DNAH12: variants seen among roughly 807,000 people sequenced by gnomAD.
The protein encoded by DNAH12 is dynein axonemal heavy chain 12.
In DNAH12, 285 loss-of-function variants were observed where a neutral mutation model predicts 371.5. The observed-to-expected ratio is 0.77, with a 90% CI of 0.70 to 0.85. DNAH12 has a LOEUF of 0.85. DNAH12 is among the 40% of genes least tolerant of loss of function. The pLI is 0.00. For synonymous variants in DNAH12, 1,200 were observed against 1,213.0 expected (o/e 0.99, Z 0.22); for missense variants, 3,611 against 3,689.4 (o/e 0.98, Z 0.55).
intron 69 of DNAH12, 89 bp downstream of exon 69, chr3:57,309,062 G>A (rs571098929): frequency 2.3e-5 from 24 of 1,045,114 alleles, no homozygotes; most frequent in African/African-American, 1.5e-4. Flanking sequence ...CAAAATTTTC[G>A]CCGCCCCAAC....
At chr3:57,411,546 AAAAAAAAAAG>A (rs1248553639) in intron 39 of DNAH12, among the ~76,000 whole-genome samples, 37 of 94,214 alleles carry the variant, frequency 3.9e-4, no homozygotes, top group African/African-American at 9.2e-4. Context: ...AAAAAAAAAA[AAAAAAAAAAG>A]AAAGAAAGAA....
At chr3:57,488,279 A>C (rs1645768156) in intron 12 of DNAH12, among the ~76,000 whole-genome samples, 2 of 152,020 alleles carry the variant, frequency 1.3e-5, no homozygotes, top group East Asian at 1.9e-4. Flanking sequence ...TGCAACCTCC[A>C]CTTCCCGGGT....
chr3:57,333,329 CTTTTT>C (rs34135477), intron 62 of DNAH12, among the ~76,000 whole-genome samples: 6 of 111,114 alleles, frequency 5.4e-5, no homozygotes, highest in Admixed American at 1.8e-4. Context: ...TTTAAGGCAA[CTTTTT>C]TTTTTTTTTT....
Position 57,334,927 on chromosome 3 carries a change from T to C in DNAH12, c.9688A>G (p.Ile3230Val). Reference protein sequence around the residue: ...CANLLLARKEIEYQELMFLLT... With the variant: ...CANLLLARKEVEYQELMFLLT... ...AGAAACATCAGTTCCTGGTATTCAA[T>C]CTCTTTCCTTGCCCTGTATTCCCAA... The change falls in exon 61 of 74, where the codon ATT (isoleucine) becomes GTT (valine). Residue 3230 changes from isoleucine (I) to valine (V), a missense_variant. Physicochemically the swap from Ile to Val is conservative, Grantham distance 29 (BLOSUM62 3). This residue lies in a region of DNAH12 where 2,266 missense variants were observed against 2,236.9 expected (regional missense o/e 1.01). Transcript: ENST00000495027. 1.9e-6 allele frequency: 3 copies of C among 1,548,364 alleles called. No homozygotes were observed. The highest frequency in any genetic ancestry group is 2.6e-6 in the Non-Finnish European group (3 of 1,146,240).
chr3:57,414,159 G>A (rs62252860), intron 38 of DNAH12, among the ~76,000 whole-genome samples: 175 of 151,598 alleles, frequency 1.2e-3, no homozygotes, highest in African/African-American at 3.8e-3. Context: ...TTATGTGTGT[G>A]TTTTTATTTA....
At chr3:57,351,323 G>A (rs954945119) in intron 60 of DNAH12, among the ~76,000 whole-genome samples, 1 of 152,100 alleles carries the variant, frequency 6.6e-6, no homozygotes, top group Non-Finnish European at 1.5e-5. Context: ...CGTTGGTGGG[G>A]ATCTGGTGCA....
chr3:57,499,272 T>C (rs898508302), intron 11 of DNAH12, among the ~76,000 whole-genome samples: 25 of 152,120 alleles, frequency 1.6e-4, no homozygotes, highest in Admixed American at 1.3e-4. Flanking sequence ...AGAAATGTTC[T>C]ACATCTTAAT....
At chr3:57,449,470 GCAGGTCCCGAGC>G (rs1460895286) in intron 25 of DNAH12, among the ~76,000 whole-genome samples, 3 of 152,240 alleles carry the variant, frequency 2.0e-5, no homozygotes, top group Admixed American at 6.5e-5. Context: ...ATGGCGGGCT[GCAGGTCCCGAGC>G]CATGCCCGGC....
intron 59 of DNAH12, among the ~76,000 whole-genome samples, chr3:57,356,378 G>A (rs1250234778): frequency 6.6e-6 from 1 of 151,870 alleles, no homozygotes; most frequent in East Asian, 1.9e-4. Flanking sequence ...GGGAGGTTGA[G>A]GCTGCAGTGA....
chr3:57,433,799 G>A lies in DNAH12; in HGVS notation c.4685C>T (p.Ala1562Val). 6.5e-7 allele frequency: 1 copy of A among 1,546,858 alleles called. No homozygotes were observed. The highest frequency in any genetic ancestry group is 2.0e-5 in the Admixed American group (1 of 49,990). The change falls in exon 31 of 74, where the codon GCT becomes GTT. Residue 1562 changes from alanine (A) to valine (V), a missense_variant. By Grantham distance (64) the Ala-to-Val change is moderately conservative. Coordinates refer to ENST00000495027, the MANE Select transcript of DNAH12 (RefSeq NM_001366028.2). ...CAGCACATGCAGAACTTTTGTCTTA[G>A]CAGCAAAAGGCTCTCCTACTAACAT... ...GFMLVGEPFA[A>V]KTKVLHVLAD...
intron 25 of DNAH12, 61 bp from the exon 26 acceptor site, chr3:57,446,750 CT>C: frequency 2.9e-6 from 4 of 1,363,074 alleles, no homozygotes; most frequent in Non-Finnish European, 3.8e-6. Flanking sequence ...ACAACAGACA[CT>C]TGTTTACCAA....
rs778705571 is a variant in DNAH12, at chr3:57,509,227, T to C, written c.470-15A>G. ...AACGCTCTGCACTAAAATACATGGATATATTAATGCTTCTTGAAAATCTCT... is the reference window on the plus strand; with the variant it reads ...AACGCTCTGCACTAAAATACATGGACATATTAATGCTTCTTGAAAATCTCT... On this transcript the variant is annotated splice_polypyrimidine_tract_variant and intron_variant, in intron 5 of 73. Coordinates refer to ENST00000495027, the MANE Select transcript of DNAH12 (RefSeq NM_001366028.2). 1.3e-5 allele frequency: 21 copies of C among 1,604,048 alleles called. No individual in the cohort carries two copies. The highest frequency in any genetic ancestry group is 1.7e-5 in the Non-Finnish European group (20 of 1,175,316).
At chr3:57,498,854 C>G (rs2067406499) in intron 11 of DNAH12, among the ~76,000 whole-genome samples, 1 of 152,010 alleles carries the variant, frequency 6.6e-6, no homozygotes, top group Non-Finnish European at 1.5e-5. Flanking sequence ...AAAAAATTAG[C>G]TGGCCATGGT....
intron 60 of DNAH12, among the ~76,000 whole-genome samples, chr3:57,350,392 T>A (rs6771841): frequency 0.22 from 34,192 of 152,092 alleles, 4,487 homozygotes; most frequent in South Asian, 0.4. Context: ...CAGATCTAGA[T>A]ATATGAATGT....
rs962531787 is a variant in DNAH12 at position 57,471,428 on chromosome 3, C to T, written c.1911+44G>A. The T allele has an allele frequency of 1.5e-5, 23 of 1,486,478 alleles. No individual in the cohort carries two copies. The African/African-American group carries it at 2.6e-4, about 17-fold the overall frequency. The allele number at this position is 1,486,478 out of a possible 1,614,324, so 92.1% of individuals were successfully genotyped here. The stretch of plus-strand genomic sequence containing the variant: ...ATTTATGTTAACATGTCCTATATGA[C>T]TCTATGGGCTGGCCATAGCTATTGT... On this transcript the variant is annotated intron_variant, in intron 15 of 73. Coordinates refer to ENST00000495027, the MANE Select transcript of DNAH12 (RefSeq NM_001366028.2).
intron 27 of DNAH12, 38 bp downstream of exon 27, chr3:57,445,993 T>C (rs777868652): frequency 2.9e-6 from 4 of 1,394,656 alleles, no homozygotes; most frequent in East Asian, 5.4e-5. Context: ...TTCAAAAACA[T>C]AAAATAAATA....
intron 11 of DNAH12, chr3:57,493,840 C>G (rs1022026272): frequency 8.7e-5 from 13 of 149,514 alleles, no homozygotes; most frequent in African/African-American, 3.2e-4. Flanking sequence ...AAAACACAAA[C>G]TAGGAATAGA....
intron 2 of DNAH12, among the ~76,000 whole-genome samples, chr3:57,524,482 T>C (rs1411988072): frequency 6.6e-6 from 1 of 152,116 alleles, no homozygotes; most frequent in African/African-American, 2.4e-5. Context: ...TATTGTATAA[T>C]CCCTTAATCT....
intron 56 of DNAH12, among the ~76,000 whole-genome samples, chr3:57,367,727 T>C (rs2063081730): frequency 6.6e-6 from 1 of 152,132 alleles, no homozygotes; most frequent in African/African-American, 2.4e-5. Flanking sequence ...ACACCATCAC[T>C]ATTCATAACA....
Sources: gnomAD v4.1 joint callset for allele counts (sites outside exome capture counted in the v4.1 genomes callset) on GRCh38, gnomAD v4.1.1 for gene constraint, gnomAD v4.1.1 regional missense constraint, MANE v1.5 for transcripts, NCBI Gene and HGNC (gene_info 2026-07-23, HGNC 2026-07-21) for gene names.